Variants in NDUFAF6 observed in about 807,000 individuals in gnomAD.
NDUFAF6 encodes the protein NADH dehydrogenase (ubiquinone) complex I, assembly factor 6.
NDUFAF6 carries 45 observed loss-of-function variants against 40.8 expected under a neutral mutation model. The ratio of observed to expected loss-of-function variants is 1.10; its 90% CI spans 0.87 to 1.42. The LOEUF is 1.42. NDUFAF6 is among the 40% of genes most tolerant of loss of function. NDUFAF6 has a pLI of 0.00. For synonymous variants in NDUFAF6, 185 were observed against 155.9 expected (o/e 1.19, Z -1.39); for missense variants, 435 against 418.5 (o/e 1.04, Z -0.34).
At chr8:95,106,450 C>T (rs4735345), downstream of NDUFAF6, among the ~76,000 whole-genome samples, 126,318 of 152,090 alleles carry the variant, frequency 0.83, 52,864 homozygotes, top group East Asian at 1. Context: ...TGAAACTGGA[C>T]CCCTTCCTTA....
chr8:94,944,265 A>C (rs934468608), intron 1 of NDUFAF6, among the ~76,000 whole-genome samples: 3 of 152,166 alleles, frequency 2.0e-5, no homozygotes, highest in African/African-American at 7.2e-5. Flanking sequence ...CTTGTCCCCA[A>C]CCTGTGATGC....
chr8:95,098,998 T>C (rs1291980003), upstream of NDUFAF6, among the ~76,000 whole-genome samples: 5 of 151,934 alleles, frequency 3.3e-5, no homozygotes, highest in Non-Finnish European at 5.9e-5. Context: ...CCCAGCACTT[T>C]GGGAGGCCGA....
chr8:94,964,107 C>T (rs964835211), intron 1 of NDUFAF6, among the ~76,000 whole-genome samples: 4 of 152,006 alleles, frequency 2.6e-5, no homozygotes, highest in Non-Finnish European at 1.5e-5. Context: ...CGGTAGGACC[C>T]TGTATTAGTC....
At chr8:95,041,677 A>G (rs376953377) in intron 4 of NDUFAF6, 51 bp downstream of exon 4, 87 of 1,412,210 alleles carry the variant, frequency 6.2e-5, no homozygotes, top group Non-Finnish European at 7.7e-5. Context: ...TTTAATTCTT[A>G]AGCTAATTCT....
chr8:94,942,181 C>T (rs927309661), intron 1 of NDUFAF6, among the ~76,000 whole-genome samples: 20 of 152,084 alleles, frequency 1.3e-4, no homozygotes, highest in African/African-American at 3.4e-4. Context: ...GGACTACAGG[C>T]GCCCACCACC....
chr8:95,093,499 A>G (rs1809336844), intron 2 of NDUFAF6, among the ~76,000 whole-genome samples: 1 of 152,188 alleles, frequency 6.6e-6, no homozygotes, highest in Non-Finnish European at 1.5e-5. Context: ...CATAACTCAT[A>G]CCCTATAGTT....
chr8:95,080,719 G>A (rs1023442335), downstream of NDUFAF6, among the ~76,000 whole-genome samples: 3 of 152,002 alleles, frequency 2.0e-5, no homozygotes, highest in Non-Finnish European at 4.4e-5. Context: ...CATGTTGCCC[G>A]CTGGTCTCAA....
chr8:95,105,811 T>A (rs1809827288), downstream of NDUFAF6, among the ~76,000 whole-genome samples: 1 of 151,972 alleles, frequency 6.6e-6, no homozygotes, highest in Non-Finnish European at 1.5e-5. Flanking sequence ...AATTTTTGTA[T>A]TTTTTGTAGA....
chr8:94,949,389 C>T (rs1358806511), intron 2 of NDUFAF6: 1 of 151,074 alleles, frequency 6.6e-6, no homozygotes. Context: ...AGCTGATCGG[C>T]CGCTCCGCTC....
chr8:95,075,469 C>T (rs1832999105), intron 9 of NDUFAF6, among the ~76,000 whole-genome samples: 1 of 152,188 alleles, frequency 6.6e-6, no homozygotes, highest in South Asian at 2.1e-4. Context: ...CTGATGCCCC[C>T]AAACAGACAT....
chr8:95,100,076 T>C (rs1249759544), upstream of NDUFAF6, among the ~76,000 whole-genome samples: 1 of 152,040 alleles, frequency 6.6e-6, no homozygotes, highest in Non-Finnish European at 1.5e-5. Context: ...CATCTAGAAA[T>C]TGATTTAAAC....
intron 3 of NDUFAF6, among the ~76,000 whole-genome samples, chr8:95,039,659 G>C (rs768061784): frequency 6.6e-6 from 1 of 151,262 alleles, no homozygotes; most frequent in Non-Finnish European, 1.5e-5. Flanking sequence ...ATAGGATCTC[G>C]CTGTGTTGCC....
At chr8:94,997,343 C>CACAGAGAGAGAG (rs1242904810) in intron 2 of NDUFAF6, among the ~76,000 whole-genome samples, 4 of 90,514 alleles carry the variant, frequency 4.4e-5, no homozygotes, top group African/African-American at 9.1e-5. Flanking sequence ...CACACACACA[C>CACAGAGAGAGAG]AGAGAGAGAG....
At chr8:94,897,560 G>T (rs964094418) in intron 1 of NDUFAF6, among the ~76,000 whole-genome samples, 1 of 151,950 alleles carries the variant, frequency 6.6e-6, no homozygotes, top group African/African-American at 2.4e-5. Flanking sequence ...TAAATAAACT[G>T]TTGGCCTCTA....
chr8:95,032,964 C>CATAAGCATGTTAAATCAGTCACAGT (rs1829034453), intron 2 of NDUFAF6, among the ~76,000 whole-genome samples: 3 of 152,164 alleles, frequency 2.0e-5, no homozygotes, highest in Non-Finnish European at 4.4e-5. Context: ...GTAAACTGTA[C>CATAAGCATGTTAAATCAGTCACAGT]ATAAGCATGT....
rs556065794 is a variant in NDUFAF6 at position 94,909,348 on chromosome 8, C to CAAAAAAAAA, written c.-936+13447_-936+13455dup. ...TGGACGACAGAGGGAGACTCCGTCT[C>CAAAAAAAAA]AAAAAAAAAAAAAAAAAAAAAAAAA... On this transcript the variant is annotated intron_variant, in intron 1 of 14. Transcript: ENST00000396113. 3.8e-4 allele frequency among the ~76,000 whole-genome samples: 35 copies of CAAAAAAAAA among 91,910 alleles called. 2 individuals carry two copies. The highest frequency in any genetic ancestry group is 1.6e-3 in the African/African-American group (31 of 19,648). 60.3% of individuals were successfully genotyped at this position (91,910 alleles called of 152,430 possible). A position where few individuals can be genotyped will look rare whatever the true frequency, so the allele number is the denominator to read the frequency against.
rs552138037 is a variant in NDUFAF6 at position 95,069,812 on chromosome 8, A to AAT, written c.*512-5807_*512-5806dup. Among the ~76,000 whole-genome samples, 345 of 143,886 alleles carry AAT rather than the reference A, an allele frequency of 2.4e-3. 1 individual carries two copies. The highest frequency in any genetic ancestry group is 3.7e-3 in the Middle Eastern group (1 of 272). 94.4% of individuals were successfully genotyped at this position (143,886 alleles called of 152,430 possible). A position where few individuals can be genotyped will look rare whatever the true frequency, so the allele number is the denominator to read the frequency against. The stretch of plus-strand genomic sequence containing the variant: ...AAAAAAAATTATATATATATATATA[A>AAT]ATATATATATATATAATATATATGT... On this transcript the variant is annotated intron_variant and NMD_transcript_variant, in intron 9 of 9. Coordinates refer to the NDUFAF6 transcript ENST00000520757.
At chr8:95,093,661 G>C (rs1340225321) in intron 2 of NDUFAF6, among the ~76,000 whole-genome samples, 1 of 152,180 alleles carries the variant, frequency 6.6e-6, no homozygotes, top group Non-Finnish European at 1.5e-5. Context: ...CATTCCCCAA[G>C]GCAAATTGGA....
intron 2 of NDUFAF6, among the ~76,000 whole-genome samples, chr8:95,009,917 C>T (rs1011703394): frequency 6.6e-6 from 1 of 152,174 alleles, no homozygotes; most frequent in Non-Finnish European, 1.5e-5. Flanking sequence ...AACAGTTACA[C>T]ATTTTTGAAG....
Sources: gnomAD v4.1 joint callset for allele counts (sites outside exome capture counted in the v4.1 genomes callset) on GRCh38, gnomAD v4.1.1 for gene constraint, MANE v1.5 for transcripts, NCBI Gene and HGNC (gene_info 2026-07-23, HGNC 2026-07-21) for gene names.